DMD: variants seen among roughly 807,000 people sequenced by gnomAD.
DMD encodes dystrophin.
In DMD, 63 loss-of-function variants were observed where a neutral mutation model predicts 330.1. That is an observed-to-expected ratio of 0.19 (90% confidence interval 0.16 to 0.24). The LOEUF is 0.24. DMD is among the 10% of genes least tolerant of loss of function. The pLI is 1.00. For synonymous variants in DMD, 1,223 were observed against 959.8 expected, an observed-to-expected ratio of 1.27 and a Z score of -5.07; for missense variants, 3,344 against 2,684.1, an observed-to-expected ratio of 1.25 and a Z score of -5.43.
chrX:32,729,412 T>G (rs761065079), intron 7 of DMD, among the ~76,000 whole-genome samples: 1 of 111,910 alleles, frequency 8.9e-6, no homozygotes, highest in South Asian at 3.7e-4. Context: ...CACTTCAGCT[T>G]TGGAAACATT....
At chrX:32,695,043 G>T (rs1223468401) in intron 9 of DMD, among the ~76,000 whole-genome samples, 2 of 112,179 alleles carry the variant, frequency 1.8e-5, no homozygotes, top group African/African-American at 6.5e-5. Flanking sequence ...GACACAGATT[G>T]TTTTGCATGT....
At chrX:32,469,977 A>G (rs1434703657) in intron 22 of DMD, among the ~76,000 whole-genome samples, 2 of 111,461 alleles carry the variant, frequency 1.8e-5, no homozygotes, top group Non-Finnish European at 3.8e-5. Flanking sequence ...TGTTATTAGG[A>G]TGCACTGAAG....
chrX:32,364,475 A>G (rs1412054979), intron 36 of DMD, 107 bp downstream of exon 36: 2 of 904,308 alleles, frequency 2.2e-6, no homozygotes, highest in African/African-American at 3.9e-5. Context: ...GAAGGAAGAA[A>G]GGATTGTTTT....
intron 1 of DMD, among the ~76,000 whole-genome samples, chrX:33,265,190 G>A (rs1246450361): frequency 9.1e-6 from 1 of 110,028 alleles, no homozygotes; most frequent in Non-Finnish European, 1.9e-5. Context: ...GACTTGGCAA[G>A]TCTATATTTA....
At chrX:31,140,314 TTC>T (rs760936700) in intron 76 of DMD, among the ~76,000 whole-genome samples, 17 of 112,498 alleles carry the variant, frequency 1.5e-4, no homozygotes, top group East Asian at 8.3e-4. Flanking sequence ...ACAAATTATT[TTC>T]TCTTTTTTTT....
chrX:31,845,913 TAAG>T (rs1349684936), intron 48 of DMD, among the ~76,000 whole-genome samples: 2 of 111,491 alleles, frequency 1.8e-5, no homozygotes, highest in African/African-American at 6.5e-5. Context: ...GGGGTAAGGC[TAAG>T]AATACAGGTT....
Position 31,444,460 on chromosome X carries a change from CAAT to C in DMD, c.9084+18_9084+20del, listed in dbSNP as rs771836494. 16 of 1,208,371 alleles carry C rather than the reference CAAT, an allele frequency of 1.3e-5. No individual in the cohort carries two copies. The South Asian group carries it at 2.6e-4, about 20-fold the overall frequency. On this transcript the variant is annotated intron_variant, in intron 60 of 78. Transcript: ENST00000357033. ...ATTATTTTACTGTAACAAAGGACAACAATGTTTACAATGTGCTTACCTGCAGAA... is the reference window on the plus strand; with the variant it reads ...ATTATTTTACTGTAACAAAGGACAACGTTTACAATGTGCTTACCTGCAGAA...
At chrX:31,578,593 A>G (rs1603398231) in intron 55 of DMD, among the ~76,000 whole-genome samples, 1 of 112,043 alleles carries the variant, frequency 8.9e-6, no homozygotes, top group African/African-American at 3.2e-5. Flanking sequence ...GACATATTGA[A>G]TACCAAGTCT....
At chrX:32,763,957 C>G (rs1326706150) in intron 7 of DMD, among the ~76,000 whole-genome samples, 1 of 111,476 alleles carries the variant, frequency 9.0e-6, no homozygotes, top group Admixed American at 9.6e-5. Flanking sequence ...CCGCACACAA[C>G]AACAGTATGC....
At chrX:32,653,186 A>T (rs985422384) in intron 9 of DMD, among the ~76,000 whole-genome samples, 18 of 109,903 alleles carry the variant, frequency 1.6e-4, no homozygotes, top group South Asian at 7.7e-4. Flanking sequence ...GTCAATTTTG[A>T]CTCTTGTTGC....
intron 44 of DMD, among the ~76,000 whole-genome samples, chrX:31,998,738 A>G (rs1342327270): frequency 8.9e-6 from 1 of 112,178 alleles, no homozygotes; most frequent in Non-Finnish European, 1.9e-5. Flanking sequence ...CAATTTCATT[A>G]AAATAGATAA....
intron 9 of DMD, among the ~76,000 whole-genome samples, chrX:32,695,187 T>G (rs1441500524): frequency 8.9e-6 from 1 of 112,025 alleles, no homozygotes; most frequent in Non-Finnish European, 1.9e-5. Flanking sequence ...GTCGAGAAAG[T>G]GCAGCGTCAC....
intron 29 of DMD, among the ~76,000 whole-genome samples, chrX:32,423,516 G>C (rs779213690): frequency 4.5e-5 from 5 of 110,324 alleles, no homozygotes; most frequent in African/African-American, 6.6e-5. Context: ...ATATGTGTTT[G>C]TGTGTCCCTT....
intron 47 of DMD, among the ~76,000 whole-genome samples, chrX:31,916,863 A>T (rs972614126): frequency 5.3e-5 from 6 of 112,520 alleles, no homozygotes; most frequent in African/African-American, 1.6e-4. Context: ...CCCCACAACG[A>T]TCTATGTTTC....
At chrX:32,593,557 G>T (rs2055176216) in intron 13 of DMD, among the ~76,000 whole-genome samples, 1 of 111,359 alleles carries the variant, frequency 9.0e-6, no homozygotes, top group Non-Finnish European at 1.9e-5. Context: ...TTGTTCCAGG[G>T]TTCCAAGGAA....
intron 7 of DMD, among the ~76,000 whole-genome samples, chrX:32,758,825 C>T (rs2071847324): frequency 9.0e-6 from 1 of 111,657 alleles, no homozygotes; most frequent in Non-Finnish European, 1.9e-5. Context: ...ATGTGCTCCG[C>T]AGCATCCCCT....
chrX:33,044,427 G>A (rs2094349273), intron 1 of DMD, among the ~76,000 whole-genome samples: 1 of 111,674 alleles, frequency 9.0e-6, no homozygotes, highest in African/African-American at 3.3e-5. Flanking sequence ...GCAAGAGTCA[G>A]TCTCAAAAAG....
intron 1 of DMD, among the ~76,000 whole-genome samples, chrX:33,174,455 G>T (rs2049537474): frequency 1.8e-5 from 2 of 111,798 alleles, no homozygotes; most frequent in Non-Finnish European, 3.8e-5. Context: ...TTTTGTTATT[G>T]TTGTTTTGAA....
At chrX:33,184,652 A>G (rs2050160428) in intron 1 of DMD, among the ~76,000 whole-genome samples, 1 of 109,577 alleles carries the variant, frequency 9.1e-6, no homozygotes, top group Non-Finnish European at 1.9e-5. Context: ...TCCTATTTTG[A>G]TTTTATCCCC....
Sources: allele counts gnomAD v4.1 joint callset (sites outside exome capture counted in the v4.1 genomes callset), GRCh38; gene constraint gnomAD v4.1.1; transcripts MANE v1.5; gene names NCBI Gene and HGNC (gene_info 2026-07-23, HGNC 2026-07-21).